Variants in ADGRB3 observed in about 807,000 individuals in gnomAD.
ADGRB3 encodes brain-specific angiogenesis inhibitor 3.
A neutral mutation model predicts 193.4 loss-of-function variants in ADGRB3; 37 were observed. The ratio of observed to expected loss-of-function variants is 0.19; its 90% CI spans 0.15 to 0.25. ADGRB3 has a LOEUF of 0.25. Ranked by LOEUF, ADGRB3 falls within the 10% of genes least tolerant of loss-of-function variation. The probability of loss-of-function intolerance (pLI) is 1.00; values close to 1 mark genes in which losing one functional copy is unlikely to be tolerated. For missense variants in ADGRB3, 1,637 were observed against 1,852.9 expected, an observed-to-expected ratio of 0.88 and a Z score of 2.14; for synonymous variants, 690 against 644.2, an observed-to-expected ratio of 1.07 and a Z score of -1.08.
At chr6:68,677,716 A>C (rs903570978) in intron 3 of ADGRB3, among the ~76,000 whole-genome samples, 3 of 151,430 alleles carry the variant, frequency 2.0e-5, no homozygotes, top group Non-Finnish European at 4.4e-5. Context: ...AAGGAGTTTC[A>C]CCATGTTGGT....
chr6:69,360,764 A>ATCT lies in ADGRB3; in HGVS notation c.3596-104_3596-103insCTT, dbSNP rs1337585575. 2.5e-6 allele frequency: 3 copies of ATCT among 1,194,454 alleles called. No individual in the cohort carries two copies. In the East Asian group the frequency reaches 7.7e-5, roughly 30 times the overall value. 74.0% of individuals were successfully genotyped at this position (1,194,454 alleles called of 1,614,324 possible). The stretch of plus-strand genomic sequence containing the variant: ...TTTTTTTAAATAACATACCTACCAA[A>ATCT]TAATATATCTTTAATGTTTAGTAGA... On this transcript the variant is annotated intron_variant, in intron 28 of 31. Coordinates refer to ENST00000370598, the MANE Select transcript of ADGRB3 (RefSeq NM_001704.3).
intron 3 of ADGRB3, among the ~76,000 whole-genome samples, chr6:68,739,892 T>C (rs928950270): frequency 2.0e-5 from 3 of 152,182 alleles, no homozygotes; most frequent in Non-Finnish European, 4.4e-5. Context: ...TAACTTTCTA[T>C]GTTTTTGTTT....
intron 15 of ADGRB3, among the ~76,000 whole-genome samples, chr6:69,060,206 G>GTCTCTCTCTTTC (rs1408980790): frequency 6.9e-4 from 48 of 69,762 alleles, no homozygotes; most frequent in African/African-American, 3.0e-3. Flanking sequence ...CTCTTTCTCT[G>GTCTCTCTCTTTC]TCTCTCTCTC....
At chr6:68,754,861 A>G (rs1466108514) in intron 3 of ADGRB3, among the ~76,000 whole-genome samples, 1 of 152,168 alleles carries the variant, frequency 6.6e-6, no homozygotes, top group Non-Finnish European at 1.5e-5. Context: ...TGTGGGATGA[A>G]AAAGGAAGCC....
At chr6:68,646,140 C>T (rs748774951) in intron 3 of ADGRB3, among the ~76,000 whole-genome samples, 30 of 152,138 alleles carry the variant, frequency 2.0e-4, no homozygotes, top group Non-Finnish European at 3.8e-4. Flanking sequence ...ATTACCCAGA[C>T]ATGATGACCT....
intron 3 of ADGRB3, among the ~76,000 whole-genome samples, chr6:68,817,475 A>T (rs1767660286): frequency 6.6e-6 from 1 of 150,496 alleles, no homozygotes; most frequent in Admixed American, 6.7e-5. Context: ...ACCACCTGGT[A>T]CTCCTGTAAA....
intron 3 of ADGRB3, among the ~76,000 whole-genome samples, chr6:68,770,623 G>C (rs1766599833): frequency 1.3e-5 from 2 of 152,116 alleles, no homozygotes. Context: ...CTAAAAGTAA[G>C]AGGTAAGGGT....
intron 20 of ADGRB3, among the ~76,000 whole-genome samples, chr6:69,314,302 A>G (rs1242981376): frequency 1.3e-5 from 2 of 151,696 alleles, no homozygotes; most frequent in Non-Finnish European, 3.0e-5. Context: ...GTGATGCTTT[A>G]TATGAATATG....
chr6:69,297,392 A>G (rs200086064), intron 20 of ADGRB3, among the ~76,000 whole-genome samples: 5 of 113,264 alleles, frequency 4.4e-5, no homozygotes, highest in South Asian at 3.1e-4. Flanking sequence ...CTCTCTCTCT[A>G]TCTCTCTCTC....
chr6:68,822,815 T>A (rs1471502248), intron 3 of ADGRB3, among the ~76,000 whole-genome samples: 1 of 152,046 alleles, frequency 6.6e-6, no homozygotes, highest in Non-Finnish European at 1.5e-5. Flanking sequence ...TCAATGATTC[T>A]CTAGTCATGA....
At chr6:69,010,834 G>A (rs1223069220) in intron 11 of ADGRB3, among the ~76,000 whole-genome samples, 2 of 151,238 alleles carry the variant, frequency 1.3e-5, no homozygotes, top group African/African-American at 2.4e-5. Flanking sequence ...AAAACTTACT[G>A]TAAGGTGTTG....
chr6:68,853,727 TAACTTAC>T (rs1768452432), intron 3 of ADGRB3, among the ~76,000 whole-genome samples: 1 of 152,070 alleles, frequency 6.6e-6, no homozygotes, highest in Admixed American at 6.6e-5. Flanking sequence ...GAAGTTGTTC[TAACTTAC>T]TCAGACTTGC....
At chr6:69,113,820 A>C (rs117689775) in intron 17 of ADGRB3, among the ~76,000 whole-genome samples, 2,986 of 152,290 alleles carry the variant, frequency 0.02, 31 homozygotes, top group Non-Finnish European at 0.029. Context: ...GTATCAGATA[A>C]TTGAATGACT....
intron 6 of ADGRB3, among the ~76,000 whole-genome samples, chr6:68,948,962 C>G (rs1044947853): frequency 5.9e-5 from 9 of 151,990 alleles, no homozygotes; most frequent in African/African-American, 2.2e-4. Flanking sequence ...AATTTATATA[C>G]TCTATTTTCC....
At chr6:69,310,671 T>C (rs1055309983) in intron 20 of ADGRB3, among the ~76,000 whole-genome samples, 4 of 151,698 alleles carry the variant, frequency 2.6e-5, no homozygotes, top group African/African-American at 9.7e-5. Context: ...GGTAGATGTT[T>C]TTATACTTAC....
At chr6:68,843,965 C>T (rs1346590321) in intron 3 of ADGRB3, among the ~76,000 whole-genome samples, 2 of 152,110 alleles carry the variant, frequency 1.3e-5, no homozygotes, top group Non-Finnish European at 2.9e-5. Flanking sequence ...AACTGGCTAT[C>T]CATAGGCAGA....
chr6:68,713,801 G>T lies in ADGRB3; in HGVS notation c.757+74369G>T, dbSNP rs189385626. On this transcript the variant is annotated intron_variant, in intron 3 of 31. Coordinates refer to ENST00000370598, the MANE Select transcript of ADGRB3 (RefSeq NM_001704.3). ...GCTACAATTTTAGTTTTACATCTAT[G>T]AATTTGAAATTAATATTTATTATCC... Among the ~76,000 whole-genome samples the T allele has an allele frequency of 4.0e-5, 6 of 150,978 alleles. No individual in the cohort carries two copies. In the East Asian group the frequency reaches 9.8e-4, roughly 25 times the overall value.
At chr6:68,827,099 A>T (rs561426023) in intron 3 of ADGRB3, among the ~76,000 whole-genome samples, 5 of 152,272 alleles carry the variant, frequency 3.3e-5, no homozygotes, top group Admixed American at 3.3e-4. Flanking sequence ...AAAGAGATAA[A>T]TTGTAGGGAT....
chr6:69,265,767 T>G (rs1029839274), intron 20 of ADGRB3, among the ~76,000 whole-genome samples: 4 of 152,010 alleles, frequency 2.6e-5, no homozygotes, highest in African/African-American at 9.7e-5. Flanking sequence ...TGTCTCTACA[T>G]GTGTCCTGAA....
Sources: gnomAD v4.1 joint callset for allele counts (sites outside exome capture counted in the v4.1 genomes callset) on GRCh38, gnomAD v4.1.1 for gene constraint, MANE v1.5 for transcripts, NCBI Gene and HGNC (gene_info 2026-07-23, HGNC 2026-07-21) for gene names.